TANC2: variants seen among roughly 807,000 people sequenced by gnomAD.
The protein encoded by TANC2 is tetratricopeptide repeat, ankyrin repeat and coiled-coil containing 2.
A neutral mutation model predicts 210.5 loss-of-function variants in TANC2; 26 were observed. That is an observed-to-expected ratio of 0.12 (90% CI 0.09 to 0.17). The LOEUF (loss-of-function observed/expected upper bound fraction) is 0.17. Ranked by LOEUF, TANC2 falls within the 10% of genes least tolerant of loss-of-function variation. TANC2 has a pLI of 1.00. For missense variants in TANC2, 2,129 were observed against 2,608.9 expected (o/e 0.82, Z 4.01); for synonymous variants, 931 against 967.1 (o/e 0.96, Z 0.69).
At chr17:63,402,615 G>C (rs1197661418) in intron 19 of TANC2, among the ~76,000 whole-genome samples, 1 of 152,130 alleles carries the variant, frequency 6.6e-6, no homozygotes, top group Non-Finnish European at 1.5e-5. Flanking sequence ...GCAGACTCTG[G>C]CTGTTTCCCC....
At chr17:63,035,626 T>A (rs2034940417) in intron 2 of TANC2, among the ~76,000 whole-genome samples, 1 of 152,240 alleles carries the variant, frequency 6.6e-6, no homozygotes, top group Non-Finnish European at 1.5e-5. Context: ...ATTTGGATTA[T>A]TTCCAATTTT....
chr17:63,036,257 A>G (rs575971126), intron 2 of TANC2, among the ~76,000 whole-genome samples: 9 of 152,092 alleles, frequency 5.9e-5, no homozygotes, highest in Non-Finnish European at 1.3e-4. Context: ...TGAAAGTTTT[A>G]TATTTAGATG....
chr17:63,027,041 A>G (rs1198326831), intron 2 of TANC2, among the ~76,000 whole-genome samples: 4 of 152,150 alleles, frequency 2.6e-5, no homozygotes, highest in East Asian at 1.9e-4. Flanking sequence ...TTTTCATTCT[A>G]TTTAGTTTCT....
chr17:63,156,708 CT>C (rs904287661), intron 5 of TANC2, among the ~76,000 whole-genome samples: 10 of 149,730 alleles, frequency 6.7e-5, no homozygotes, highest in African/African-American at 9.8e-5. Context: ...CATGTAAGTT[CT>C]TTTTTTTTTC....
intron 9 of TANC2, among the ~76,000 whole-genome samples, chr17:63,275,616 C>T (rs1191286920): frequency 6.6e-6 from 1 of 152,126 alleles, no homozygotes; most frequent in African/African-American, 2.4e-5. Context: ...CTCACATTTA[C>T]AAGGGAATAT....
At chr17:63,340,282 T>A (rs1298564410) in exon 12 of TANC2, 1 of 1,613,916 alleles carries the variant, frequency 6.2e-7, no homozygotes, top group Non-Finnish European at 8.5e-7. Context: ...CAAGACCCCA[T>A]GGCCTCCTTC....
intron 6 of TANC2, among the ~76,000 whole-genome samples, chr17:63,195,572 G>A (rs2041318948): frequency 6.6e-6 from 1 of 152,140 alleles, no homozygotes; most frequent in Non-Finnish European, 1.5e-5. Flanking sequence ...CTGGAAGGCT[G>A]GGATTTTTGC....
At chr17:63,102,019 G>A (rs975113303) in intron 4 of TANC2, among the ~76,000 whole-genome samples, 1 of 152,172 alleles carries the variant, frequency 6.6e-6, no homozygotes, top group African/African-American at 2.4e-5. Flanking sequence ...ATGAGTTAGA[G>A]CTGGGGCACG....
At chr17:63,219,686 C>T (rs1237572664) in intron 7 of TANC2, among the ~76,000 whole-genome samples, 5 of 152,156 alleles carry the variant, frequency 3.3e-5, no homozygotes, top group African/African-American at 9.7e-5. Context: ...GCTGGGATTA[C>T]AGGCATGAGC....
At chr17:63,037,405 G>A (rs879391874) in intron 2 of TANC2, among the ~76,000 whole-genome samples, 2 of 152,036 alleles carry the variant, frequency 1.3e-5, no homozygotes, top group African/African-American at 2.4e-5. Flanking sequence ...TTTTCTGACC[G>A]TAGTTAACTG....
chr17:63,222,328 A>T (rs1598638727), intron 7 of TANC2, among the ~76,000 whole-genome samples: 1 of 152,222 alleles, frequency 6.6e-6, no homozygotes, highest in Non-Finnish European at 1.5e-5. Flanking sequence ...AAAACTTGAA[A>T]CAACTCAGAT....
chr17:63,054,172 A>T (rs1339513402), intron 2 of TANC2, among the ~76,000 whole-genome samples: 2 of 152,188 alleles, frequency 1.3e-5, no homozygotes, highest in Non-Finnish European at 2.9e-5. Context: ...TATTATTAGT[A>T]CTAAATGAGA....
chr17:63,417,145 T>G (rs554853057), intron 26 of TANC2, among the ~76,000 whole-genome samples: 7 of 152,344 alleles, frequency 4.6e-5, no homozygotes, highest in Non-Finnish European at 7.3e-5. Context: ...CAGAAGCGGT[T>G]GTTAATCACC....
chr17:63,246,911 C>T (rs760843865), intron 8 of TANC2, among the ~76,000 whole-genome samples: 4 of 152,104 alleles, frequency 2.6e-5, no homozygotes, highest in Non-Finnish European at 5.9e-5. Context: ...AGTAGCTGTA[C>T]TGTTTTGCAT....
intron 8 of TANC2, among the ~76,000 whole-genome samples, chr17:63,261,946 C>T (rs985037046): frequency 1.3e-5 from 2 of 152,152 alleles, no homozygotes; most frequent in African/African-American, 2.4e-5. Flanking sequence ...ATAACACTAT[C>T]CATCTCTGGC....
At chr17:63,231,670 T>C (rs1322804409) in intron 7 of TANC2, among the ~76,000 whole-genome samples, 1 of 152,188 alleles carries the variant, frequency 6.6e-6, no homozygotes, top group Non-Finnish European at 1.5e-5. Flanking sequence ...GGCCTGGCCT[T>C]TCTCTCTGGC....
At chr17:63,176,339 A>G (rs1225441998) in intron 5 of TANC2, among the ~76,000 whole-genome samples, 1 of 152,224 alleles carries the variant, frequency 6.6e-6, no homozygotes, top group Non-Finnish European at 1.5e-5. Flanking sequence ...CATACAAAGG[A>G]ATACTGCTCA....
chr17:63,304,049 C>G (rs185946365), intron 9 of TANC2, among the ~76,000 whole-genome samples: 2 of 151,976 alleles, frequency 1.3e-5, no homozygotes, highest in Non-Finnish European at 2.9e-5. Context: ...TTTAGCTCAG[C>G]GGAGTTTATT....
At chr17:63,374,292 C>T (rs886756843) in intron 14 of TANC2, among the ~76,000 whole-genome samples, 1 of 152,118 alleles carries the variant, frequency 6.6e-6, no homozygotes, top group African/African-American at 2.4e-5. Flanking sequence ...CCCACCTTGG[C>T]CTCCCAAAGT....
Sources: allele counts gnomAD v4.1 joint callset (sites outside exome capture counted in the v4.1 genomes callset), GRCh38; gene constraint gnomAD v4.1.1; transcripts MANE v1.5; gene names NCBI Gene and HGNC (gene_info 2026-07-23, HGNC 2026-07-21).